Variants in HPSE2 observed in about 807,000 individuals in gnomAD.
HPSE2 encodes the protein heparanase 2 (inactive), also known as inactive heparanase-2.
In HPSE2, 38 loss-of-function variants were observed where a neutral mutation model predicts 60.5. That is an observed-to-expected ratio of 0.63 (90% CI 0.48 to 0.82). The LOEUF is 0.82. Among genes scored for constraint, HPSE2 ranks in the 40% least tolerant of loss-of-function variants. The pLI, the probability that HPSE2 is intolerant of heterozygous loss-of-function variation, is 0.00. For missense variants in HPSE2, 713 were observed against 740.4 expected, an observed-to-expected ratio of 0.96 and a Z score of 0.43; for synonymous variants, 295 against 293.2, an observed-to-expected ratio of 1.01 and a Z score of -0.06.
At chr10:99,235,131 C>G (rs1849798610) in intron 1 of HPSE2, among the ~76,000 whole-genome samples, 1 of 147,794 alleles carries the variant, frequency 6.8e-6, no homozygotes, top group African/African-American at 2.5e-5. Context: ...CACACACATA[C>G]CCATTCCTTT....
chr10:99,206,633 C>T (rs1052212391), intron 2 of HPSE2, among the ~76,000 whole-genome samples: 1 of 150,972 alleles, frequency 6.6e-6, no homozygotes, highest in African/African-American at 2.4e-5. Flanking sequence ...CCATGTTGTT[C>T]CAGGGTCAAT....
At chr10:99,297,589 C>T in the HPSE2 span, among the ~76,000 whole-genome samples, 1 of 152,190 alleles carries the variant, frequency 6.6e-6, no homozygotes, top group East Asian at 1.9e-4. Context: ...AAAATGGGTG[C>T]AGTCTTATGT....
At chr10:98,860,742 T>C (rs989443059) in intron 3 of HPSE2, among the ~76,000 whole-genome samples, 15 of 152,174 alleles carry the variant, frequency 9.9e-5, no homozygotes, top group Admixed American at 7.9e-4. Context: ...TTTCAACTTT[T>C]AAGGCCTAAT....
intron 4 of HPSE2, among the ~76,000 whole-genome samples, chr10:98,736,667 C>CTTAT (rs1333786941): frequency 6.6e-6 from 1 of 152,174 alleles, no homozygotes; most frequent in Non-Finnish European, 1.5e-5. Flanking sequence ...TTCTTTCAAA[C>CTTAT]TATAAGAGAT....
chr10:98,802,302 T>TA (rs1011611618), intron 3 of HPSE2, among the ~76,000 whole-genome samples: 12 of 150,522 alleles, frequency 8.0e-5, no homozygotes, highest in African/African-American at 2.4e-4. Flanking sequence ...CTCTTTTTAT[T>TA]TTTTTTTTGA....
intron 6 of HPSE2, among the ~76,000 whole-genome samples, chr10:98,661,254 C>T (rs937398546): frequency 2.8e-4 from 43 of 152,246 alleles, no homozygotes; most frequent in African/African-American, 1.0e-3. Flanking sequence ...TAATGAAGTC[C>T]CAAAGGATTC....
chr10:99,279,865 A>G, the HPSE2 span, among the ~76,000 whole-genome samples: 1 of 152,190 alleles, frequency 6.6e-6, no homozygotes, highest in East Asian at 1.9e-4. Flanking sequence ...AATAAAACAG[A>G]CGTGACTTTC....
chr10:98,666,640 C>T (rs1377590951), intron 6 of HPSE2, among the ~76,000 whole-genome samples: 2 of 152,110 alleles, frequency 1.3e-5, no homozygotes, highest in Non-Finnish European at 2.9e-5. Context: ...TCTCTCAGAA[C>T]TACACAAAAA....
At chr10:98,940,200 A>T (rs1404738001) in intron 3 of HPSE2, among the ~76,000 whole-genome samples, 1 of 143,642 alleles carries the variant, frequency 7.0e-6, no homozygotes, top group Non-Finnish European at 1.5e-5. Context: ...AACACATTCA[A>T]AAGCTAGTAG....
chr10:99,277,879 C>T, the HPSE2 span, among the ~76,000 whole-genome samples: 3 of 152,082 alleles, frequency 2.0e-5, no homozygotes, highest in Non-Finnish European at 4.4e-5. Context: ...AGGTGGATCA[C>T]TTAGGGTCAG....
intron 3 of HPSE2, among the ~76,000 whole-genome samples, chr10:99,050,477 A>G (rs1957966276): frequency 2.6e-5 from 4 of 152,140 alleles, no homozygotes; most frequent in Non-Finnish European, 5.9e-5. Context: ...CAACAATCCT[A>G]TTTCTGGGTA....
chr10:99,092,300 G>A (rs528652303), intron 3 of HPSE2, among the ~76,000 whole-genome samples: 37 of 152,026 alleles, frequency 2.4e-4, no homozygotes, highest in South Asian at 1.9e-3. Context: ...AACATAATGC[G>A]TACTAAATAA....
At chr10:98,488,318 A>G (rs190960203) in intron 10 of HPSE2, among the ~76,000 whole-genome samples, 17 of 152,346 alleles carry the variant, frequency 1.1e-4, no homozygotes, top group Admixed American at 1.1e-3. Context: ...AATCAACAGT[A>G]ACATCTTGAT....
intron 3 of HPSE2, among the ~76,000 whole-genome samples, chr10:98,811,288 T>C (rs1486208981): frequency 1.3e-5 from 2 of 152,150 alleles, no homozygotes; most frequent in Non-Finnish European, 2.9e-5. Context: ...CTCCTCACAA[T>C]TGTAATTACA....
At chr10:99,027,689 ACC>A (rs1957410115) in intron 3 of HPSE2, among the ~76,000 whole-genome samples, 2 of 146,314 alleles carry the variant, frequency 1.4e-5, no homozygotes, top group South Asian at 4.6e-4. Context: ...CACCACCACC[ACC>A]ACCACCACCA....
intron 3 of HPSE2, among the ~76,000 whole-genome samples, chr10:99,069,192 T>A (rs368562489): frequency 6.6e-6 from 1 of 152,166 alleles, no homozygotes; most frequent in Non-Finnish European, 1.5e-5. Flanking sequence ...CTGGTTCTCA[T>A]AAGTCTGAGT....
chr10:99,174,005 A>G (rs1431650236), intron 2 of HPSE2, among the ~76,000 whole-genome samples: 1 of 151,914 alleles, frequency 6.6e-6, no homozygotes, highest in East Asian at 1.9e-4. Flanking sequence ...TACAATATTA[A>G]TTATTGTCAT....
At chr10:98,963,691 C>T (rs192521786) in intron 3 of HPSE2, among the ~76,000 whole-genome samples, 1 of 152,178 alleles carries the variant, frequency 6.6e-6, no homozygotes, top group Admixed American at 6.5e-5. Flanking sequence ...CAAGTAGAGA[C>T]ATTGCATAAC....
At chr10:99,092,927 A>G (rs1843566007) in intron 3 of HPSE2, among the ~76,000 whole-genome samples, 1 of 152,190 alleles carries the variant, frequency 6.6e-6, no homozygotes, top group African/African-American at 2.4e-5. Flanking sequence ...TCCAATAAGG[A>G]CATTTCTTAT....
Sources: gnomAD v4.1 joint callset for allele counts (sites outside exome capture counted in the v4.1 genomes callset) on GRCh38, gnomAD v4.1.1 for gene constraint, MANE v1.5 for transcripts, NCBI Gene and HGNC (gene_info 2026-07-23, HGNC 2026-07-21) for gene names.